Variants in NDUFS2 observed in about 807,000 individuals in gnomAD.
The protein encoded by NDUFS2 is NADH:ubiquinone oxidoreductase core subunit S2.
NDUFS2 carries 38 observed loss-of-function variants against 69.6 expected under a neutral mutation model. The ratio of observed to expected loss-of-function variants is 0.55; its 90% confidence interval spans 0.42 to 0.72. NDUFS2 has a LOEUF of 0.72. Among genes scored for constraint, NDUFS2 ranks in the 30% least tolerant of loss-of-function variants. NDUFS2 has a pLI of 0.00. For synonymous variants in NDUFS2, 194 were observed against 211.2 expected (o/e 0.92, Z 0.70); for missense variants, 468 against 595.0 (o/e 0.79, Z 2.22).
chr1:161,211,805 C>T (rs1665782566), intron 9 of NDUFS2, among the ~76,000 whole-genome samples: 1 of 152,084 alleles, frequency 6.6e-6, no homozygotes, highest in African/African-American at 2.4e-5. Flanking sequence ...ATTTGACTCT[C>T]ACCCATCCTG....
chr1:161,198,149 A>C (rs1664939086), upstream of NDUFS2: 2 of 1,613,814 alleles, frequency 1.2e-6, no homozygotes, highest in Admixed American at 1.7e-5. The surrounding 1 kb of genome is among the most constrained non-coding windows in gnomAD (Gnocchi z 4.7). Flanking sequence ...CTGGAGGTGG[A>C]GTTCAGCCCC....
rs1435373644 is a variant in NDUFS2, at chr1:161,210,822, T to C, written c.986+112T>C. ...TTCTCAGTGTCTGTGGGAGCTCTTG[T>C]GTGTGTTAGACGAGGTTGCTCTCAA... is the stretch of plus-strand genomic sequence containing the variant. On this transcript the variant is annotated intron_variant, in intron 9 of 13. Transcript: ENST00000676972. 3.3e-6 allele frequency: 5 copies of C among 1,521,020 alleles called. No individual in the cohort carries two copies. The South Asian group carries it at 4.6e-5, about 14-fold the overall frequency. The allele number at this position is 1,521,020 out of a possible 1,614,324, so 94.2% of individuals were successfully genotyped here. A position where few individuals can be genotyped will look rare whatever the true frequency, so the allele number is the denominator to read the frequency against.
chr1:161,202,534 G>A lies in NDUFS2; in HGVS notation c.95+54G>A, dbSNP rs138449328. The A allele has an allele frequency of 7.9e-6, 12 of 1,521,932 alleles. No individual in the cohort carries two copies. The East Asian group carries it at 2.6e-4, about 32-fold the overall frequency. The allele number at this position is 1,521,932 out of a possible 1,614,324, so 94.3% of individuals were successfully genotyped here. ...TTTCTCCAAGGCTAGGGTTTCTCAG[G>A]TTGGGGACGCTTTACTCCCCCAGAA... On this transcript the variant is annotated intron_variant, in intron 1 of 13. Transcript: ENST00000676972.
upstream of NDUFS2, among the ~76,000 whole-genome samples, chr1:161,201,187 C>T (rs3813624): frequency 0.12 from 18,648 of 152,260 alleles, 1,451 homozygotes; most frequent in East Asian, 0.33. Context: ...TCAGTTCCCA[C>T]AGCTAAGGAT....
At position 161,203,567 on chromosome 1, in the gene NDUFS2, C is replaced by G; in HGVS notation, c.202+24C>G. The G allele has an allele frequency of 3.2e-6, 5 of 1,557,888 alleles. No homozygotes were observed. In the South Asian group the frequency reaches 4.5e-5, roughly 14 times the overall value. On this transcript the variant is annotated intron_variant, in intron 2 of 13. Transcript: ENST00000676972. ...TGGTGAGTGACCAGAGTTGCTGTCCCAACCCACACCCATCCCTGCCCCCAG... is the reference window on the plus strand; with the variant it reads ...TGGTGAGTGACCAGAGTTGCTGTCCGAACCCACACCCATCCCTGCCCCCAG...
At chr1:161,203,738 A>G in intron 2 of NDUFS2, 195 bp downstream of exon 2, 1 of 622,242 alleles carries the variant, frequency 1.6e-6, no homozygotes, top group Non-Finnish European at 2.9e-6. Context: ...CCGCAACAAC[A>G]GGCCTGTGCC....
upstream of NDUFS2, chr1:161,198,710 T>C: frequency 7.6e-7 from 1 of 1,315,778 alleles, no homozygotes; most frequent in East Asian, 2.5e-5. This position sits in a 1 kb window ranked among gnomAD's most constrained non-coding sequence, Gnocchi z 4.7. Flanking sequence ...AGCTCCTCTC[T>C]GTAGCCTGGG....
chr1:161,198,689 T>C (rs1255590608), upstream of NDUFS2: 1 of 1,402,784 alleles, frequency 7.1e-7, no homozygotes, highest in African/African-American at 1.4e-5. The surrounding 1 kb of genome is among the most constrained non-coding windows in gnomAD (Gnocchi z 4.7). Context: ...CTCCACACCC[T>C]AGCTTTGGAA....
upstream of NDUFS2, chr1:161,202,006 C>G (rs1035826140): frequency 1.3e-5 from 5 of 377,118 alleles, no homozygotes; most frequent in Admixed American, 7.4e-5. Context: ...GAGAGCAGGA[C>G]TAAAGCATGA....
Position 161,214,144 on chromosome 1 carries a change from C to T in NDUFS2, c.1355-12C>T. On this transcript the variant is annotated splice_polypyrimidine_tract_variant and intron_variant, in intron 13 of 13. Transcript: ENST00000676972. ...AAGTAACATCACTTTTTTCCTCCATCCTCTCACCTAGGTACCCAAGATATT... is the reference window on the plus strand; with the variant it reads ...AAGTAACATCACTTTTTTCCTCCATTCTCTCACCTAGGTACCCAAGATATT... The T allele has an allele frequency of 1.9e-6, 3 of 1,613,940 alleles. No homozygotes were observed. The highest frequency in any genetic ancestry group is 1.3e-5 in the African/African-American group (1 of 74,990).
chr1:161,203,637 C>T lies in NDUFS2; in HGVS notation c.202+94C>T, dbSNP rs191715951. On this transcript the variant is annotated intron_variant, in intron 2 of 13. Coordinates refer to ENST00000676972, the MANE Select transcript of NDUFS2 (RefSeq NM_001377299.1). ...TTGAGACAGGGTTTCCCTCTGTCTC[C>T]CTGGCTGGAGTGCAGTGGTGCGAAA... 3.8e-5 allele frequency: 43 copies of T among 1,118,140 alleles called. No homozygotes were observed. The East Asian group carries it at 9.2e-4, about 24-fold the overall frequency. The allele number at this position is 1,118,140 out of a possible 1,614,324, so 69.3% of individuals were successfully genotyped here. A position where few individuals can be genotyped will look rare whatever the true frequency, so the allele number is the denominator to read the frequency against.
chr1:161,209,462 G>GTCTTCTCC (rs774245540), intron 4 of NDUFS2, 21 bp from the exon 5 acceptor site: 1 of 1,612,720 alleles, frequency 6.2e-7, no homozygotes, highest in South Asian at 1.1e-5. Context: ...CCTATATCCT[G>GTCTTCTCC]TCTTCTCCTT....
chr1:161,201,833 T>C (rs910414347), upstream of NDUFS2, among the ~76,000 whole-genome samples: 2 of 152,126 alleles, frequency 1.3e-5, no homozygotes. Flanking sequence ...TGGCGGGAGC[T>C]CTCAGACCCG....
rs772869017 is a variant in NDUFS2 at position 161,206,510 on chromosome 1, T to C, written c.306T>C (p.Ser102=). ...TCCTGCGACTAGTGATGGAATTGAG[T>C]GGGGAGATGGTGCGGAAGTGTGATC... ...HGVLRLVMEL[S]GEMVRKCDPH... is the part of the protein sequence containing the mutation. Residue 102 remains serine, a synonymous_variant, in exon 3 of 14, where the codon AGT becomes AGC. Transcript: ENST00000676972. The C allele has an allele frequency of 1.8e-5, 29 of 1,613,926 alleles. No homozygotes were observed. The highest frequency in any genetic ancestry group is 2.4e-5 in the Non-Finnish European group (28 of 1,180,014).
rs1176666042 is a variant in NDUFS2 at position 161,202,590 on chromosome 1, C to G, written c.95+110C>G. 7.0e-6 allele frequency: 8 copies of G among 1,149,934 alleles called. No individual in the cohort carries two copies. The East Asian group carries it at 2.1e-4, about 29-fold the overall frequency. The allele number at this position is 1,149,934 out of a possible 1,614,324, so 71.2% of individuals were successfully genotyped here. On this transcript the variant is annotated intron_variant, in intron 1 of 13. Transcript: ENST00000676972. Reference sequence around the variant, plus strand: ...TAACCCAAGCCTGTGACCCCATTGTCCATCCCTGATTTCTTGGGCTACGGG... The same window carrying G: ...TAACCCAAGCCTGTGACCCCATTGTGCATCCCTGATTTCTTGGGCTACGGG...
At chr1:161,198,774 G>A (rs953685629), upstream of NDUFS2, 14 of 719,186 alleles carry the variant, frequency 1.9e-5, no homozygotes, top group Middle Eastern at 3.9e-4. This position sits in a 1 kb window ranked among gnomAD's most constrained non-coding sequence, Gnocchi z 4.7. Context: ...GCTGAGGACC[G>A]TTAAAGGAAA....
At chr1:161,200,275 G>A (rs893452044), upstream of NDUFS2, among the ~76,000 whole-genome samples, 3 of 152,124 alleles carry the variant, frequency 2.0e-5, no homozygotes, top group African/African-American at 7.2e-5. Context: ...GTGGTGTTAG[G>A]GAAAGGAAGC....
In NDUFS2 at chr1:161,202,440, C is replaced by T. The variant is rs1363677677; in HGVS notation, c.55C>T (p.Arg19Trp). The change falls in exon 1 of 14, where the codon CGG (arginine) becomes TGG (tryptophan). Residue 19 changes from arginine to tryptophan, a missense_variant. Around this residue, in one of 3 missense-constraint regions of NDUFS2, gnomAD observed 57 missense variants for 42.3 expected, o/e 1.35. Transcript: ENST00000676972. Reference protein sequence around the residue: ...GFRGVAAQVLRPGAGVRLPIQ... With the variant: ...GFRGVAAQVLWPGAGVRLPIQ... ...CCGGGGCGTCGCGGCCCAGGTGCTG[C>T]GGCCTGGGGCTGGAGTCCGATTGCC... The T allele has an allele frequency of 1.2e-6, 2 of 1,612,422 alleles. No individual in the cohort carries two copies. Among genetic ancestry groups the T allele is most frequent in the Admixed American group, 1.7e-5 (1 of 59,852 alleles).
upstream of NDUFS2, among the ~76,000 whole-genome samples, chr1:161,201,421 C>CG (rs1256377029): frequency 1.3e-5 from 2 of 152,256 alleles, no homozygotes; most frequent in East Asian, 3.9e-4. Flanking sequence ...ACAAACTCTA[C>CG]GGGTGGGTGG....
Sources: gnomAD v4.1 joint callset for allele counts (sites outside exome capture counted in the v4.1 genomes callset) on GRCh38, gnomAD v4.1.1 for gene constraint, gnomAD v4.1.1 regional missense constraint, Gnocchi (gnomAD v3.1) non-coding constraint, MANE v1.5 for transcripts, NCBI Gene and HGNC (gene_info 2026-07-23, HGNC 2026-07-21) for gene names.